USH2A: variants seen among roughly 807,000 people sequenced by gnomAD.
USH2A encodes Usher syndrome 2A (autosomal recessive, mild).
USH2A carries 443 observed loss-of-function variants against 538.9 expected under a neutral mutation model. The observed-to-expected ratio is 0.82, with a 90% CI of 0.76 to 0.89. The LOEUF is 0.89. Ranked by LOEUF, USH2A falls within the 40% of genes least tolerant of loss-of-function variation. The pLI is 0.00. For synonymous variants in USH2A, 2,413 were observed against 2,273.5 expected, an observed-to-expected ratio of 1.06 and a Z score of -1.75; for missense variants, 6,633 against 6,324.8, an observed-to-expected ratio of 1.05 and a Z score of -1.65.
intron 57 of USH2A, 145 bp downstream of exon 57, chr1:215,759,515 G>A: frequency 1.1e-6 from 1 of 920,406 alleles, no homozygotes; most frequent in South Asian, 1.6e-5. Flanking sequence ...GAATGATTTA[G>A]CACTTTCATC....
At chr1:216,138,430 C>T (rs947740096) in intron 21 of USH2A, among the ~76,000 whole-genome samples, 1 of 152,196 alleles carries the variant, frequency 6.6e-6, no homozygotes, top group Admixed American at 6.5e-5. Flanking sequence ...GTCCGTGCAG[C>T]TATTGCTCCA....
rs372739324 is a variant in USH2A, at chr1:216,277,337, A to C, written c.1971+11943T>G. On this transcript the variant is annotated intron_variant, in intron 11 of 71. Coordinates refer to ENST00000307340, the MANE Select transcript of USH2A (RefSeq NM_206933.4). ...GAACAAATCTTTTAACCTTGCACACAAGCTGTTTCTCCTCCTATGTCCAAT... is the reference window on the plus strand; with the variant it reads ...GAACAAATCTTTTAACCTTGCACACCAGCTGTTTCTCCTCCTATGTCCAAT... Among the ~76,000 whole-genome samples the C allele has an allele frequency of 2.4e-4, 37 of 152,148 alleles. 2 individuals are homozygous for C. Among genetic ancestry groups the C allele is most frequent in the African/African-American group, 8.9e-4 (37 of 41,532 alleles).
chr1:216,254,193 T>C (rs1236208459), intron 11 of USH2A, among the ~76,000 whole-genome samples: 1 of 152,186 alleles, frequency 6.6e-6, no homozygotes, highest in Non-Finnish European at 1.5e-5. Flanking sequence ...ATTAACTATA[T>C]CTTAAAATGT....
intron 71 of USH2A, among the ~76,000 whole-genome samples, chr1:215,628,209 T>G (rs1308430675): frequency 6.6e-6 from 1 of 152,188 alleles, no homozygotes; most frequent in East Asian, 1.9e-4. Flanking sequence ...GTGCTTGTAT[T>G]TTATGCCTTG....
At chr1:215,893,764 G>A (rs945563198) in intron 40 of USH2A, among the ~76,000 whole-genome samples, 3 of 152,084 alleles carry the variant, frequency 2.0e-5, no homozygotes, top group African/African-American at 7.2e-5. Flanking sequence ...GGGGAGATTC[G>A]AGAGCTTAAG....
intron 37 of USH2A, among the ~76,000 whole-genome samples, chr1:215,947,042 CTTT>C (rs34295902): frequency 8.3e-4 from 121 of 146,342 alleles, no homozygotes; most frequent in East Asian, 1.4e-3. Flanking sequence ...AGGTATATTA[CTTT>C]TTTTTTTTTT....
At chr1:216,419,564 G>A (rs1036840361) in intron 2 of USH2A, among the ~76,000 whole-genome samples, 2 of 151,952 alleles carry the variant, frequency 1.3e-5, no homozygotes, top group Admixed American at 1.3e-4. Flanking sequence ...CGGTTGAGGG[G>A]TCTCACTTTG....
At chr1:216,015,038 G>T (rs937594491) in intron 32 of USH2A, among the ~76,000 whole-genome samples, 7 of 152,024 alleles carry the variant, frequency 4.6e-5, no homozygotes, top group African/African-American at 1.7e-4. Flanking sequence ...GTCTTCTTCC[G>T]AAAACTTCTT....
intron 4 of USH2A, among the ~76,000 whole-genome samples, chr1:216,339,251 A>G (rs2038030251): frequency 6.6e-6 from 1 of 151,598 alleles, no homozygotes; most frequent in African/African-American, 2.4e-5. Flanking sequence ...AATTGAAGAT[A>G]TACTCTGTAT....
At chr1:215,728,582 G>GACACACACAC (rs1311988583) in intron 60 of USH2A, among the ~76,000 whole-genome samples, 198 bp from the exon 61 acceptor site, 10,788 of 148,494 alleles carry the variant, frequency 0.073, 572 homozygotes, top group African/African-American at 0.13. Context: ...AAGTGTAGTT[G>GACACACACAC]ACACACACAC....
At chr1:215,897,719 A>AAGAG (rs1216397493) in intron 40 of USH2A, among the ~76,000 whole-genome samples, 2 of 99,772 alleles carry the variant, frequency 2.0e-5, no homozygotes, top group Non-Finnish European at 3.8e-5. Flanking sequence ...AAAAGAAAGA[A>AAGAG]AGAGAAAGAA....
At chr1:215,879,432 C>G (rs1244958620) in intron 41 of USH2A, among the ~76,000 whole-genome samples, 1 of 152,208 alleles carries the variant, frequency 6.6e-6, no homozygotes, top group East Asian at 1.9e-4. Context: ...CATCCACATG[C>G]TTCAATAGGG....
chr1:215,813,759 C>G lies in USH2A; in HGVS notation c.9716G>C (p.Gly3239Ala), dbSNP rs780532748. The G allele has an allele frequency of 6.2e-7, 1 of 1,613,778 alleles. No homozygotes were observed. The highest frequency in any genetic ancestry group is 8.5e-7 in the Non-Finnish European group (1 of 1,179,842). Residue 3239 changes from glycine to alanine, a missense_variant, in exon 49 of 72, where the codon GGG becomes GCG. Physicochemically the swap from Gly to Ala is moderately conservative, Grantham distance 60. Coordinates refer to ENST00000307340, the MANE Select transcript of USH2A (RefSeq NM_206933.4). ...ACCTGGTAGAATTCTAGCGTAATAC[C>G]CAGAGCAGCACTGATGATTTGGTTG... ...EAQPNHQCCS[G>A]YYARILPGEV...
Position 215,820,261 on chromosome 1 carries a change from A to G in USH2A, c.9372-3066T>C, listed in dbSNP as rs1283790290. Among the ~76,000 whole-genome samples, 3 of 150,016 alleles carry G rather than the reference A, an allele frequency of 2.0e-5. 1 individual carries two copies. Among genetic ancestry groups the G allele is most frequent in the African/African-American group, 4.9e-5 (2 of 40,994 alleles). On this transcript the variant is annotated intron_variant, in intron 47 of 71. Transcript: ENST00000307340. ...TCTACACACATTTTTTTCTCTCTCA[A>G]ATGTTTGGGTTACATTTTCTCATTC...
chr1:216,388,636 G>T (rs1031875823), intron 3 of USH2A, among the ~76,000 whole-genome samples: 1 of 152,226 alleles, frequency 6.6e-6, no homozygotes, highest in Non-Finnish European at 1.5e-5. Flanking sequence ...TAAGGCATTT[G>T]CACTGGTCCT....
intron 21 of USH2A, among the ~76,000 whole-genome samples, chr1:216,122,811 A>C (rs2033164377): frequency 6.6e-6 from 1 of 152,180 alleles, no homozygotes; most frequent in Admixed American, 6.5e-5. Context: ...TGGGAAGAAG[A>C]AGCTACAGAG....
intron 37 of USH2A, among the ~76,000 whole-genome samples, chr1:215,945,569 A>T (rs1211488760): frequency 2.0e-5 from 3 of 152,194 alleles, no homozygotes; most frequent in African/African-American, 7.2e-5. Flanking sequence ...CTTAAGAAAA[A>T]TATTGAGAAA....
chr1:216,060,539 T>G (rs1326780306), intron 30 of USH2A, among the ~76,000 whole-genome samples: 1 of 152,242 alleles, frequency 6.6e-6, no homozygotes, highest in Non-Finnish European at 1.5e-5. Flanking sequence ...AAGATTATTC[T>G]TATCATTATT....
At chr1:216,323,253 T>C (rs2037651805) in intron 8 of USH2A, among the ~76,000 whole-genome samples, 1 of 141,932 alleles carries the variant, frequency 7.0e-6, no homozygotes, top group Middle Eastern at 3.4e-3. Flanking sequence ...TAAATATATA[T>C]ATATTTATTT....
Sources: gnomAD v4.1 joint callset for allele counts (sites outside exome capture counted in the v4.1 genomes callset) on GRCh38, gnomAD v4.1.1 for gene constraint, MANE v1.5 for transcripts, NCBI Gene and HGNC (gene_info 2026-07-23, HGNC 2026-07-21) for gene names.